The following DLGAP2 variants were observed in gnomAD, a reference collection of about 807,000 sequenced individuals.
DLGAP2 encodes the protein disks large-associated protein 2.
A neutral mutation model predicts 100.3 loss-of-function variants in DLGAP2; 26 were observed. The ratio of observed to expected loss-of-function variants is 0.26; its 90% confidence interval spans 0.19 to 0.36. The LOEUF is 0.36. Among genes scored for constraint, DLGAP2 ranks in the 10% least tolerant of loss-of-function variants. The probability of loss-of-function intolerance (pLI) is 1.00; values close to 1 mark genes in which losing one functional copy is unlikely to be tolerated. For synonymous variants in DLGAP2, 886 were observed against 630.1 expected, an observed-to-expected ratio of 1.41 and a Z score of -6.08; for missense variants, 1,858 against 1,453.2, an observed-to-expected ratio of 1.28 and a Z score of -4.53.
chr8:1,684,801 AAAG>A (rs1799070170), intron 12 of DLGAP2, among the ~76,000 whole-genome samples: 1 of 152,154 alleles, frequency 6.6e-6, no homozygotes, highest in South Asian at 2.1e-4. Context: ...TTCTAAAACA[AAAG>A]AAATCCTTCC....
At chr8:754,108 G>A (rs1406302833) in intron 1 of DLGAP2, 1 of 152,268 alleles carries the variant, frequency 6.6e-6, no homozygotes, top group East Asian at 1.9e-4. Context: ...GAGTGGTACA[G>A]CGTGGGAGGC....
At chr8:1,480,843 G>A (rs1799071624) in intron 3 of DLGAP2, among the ~76,000 whole-genome samples, 1 of 150,156 alleles carries the variant, frequency 6.7e-6, no homozygotes, top group South Asian at 2.1e-4. Context: ...TCCAGCCTGG[G>A]AAACAAGAAC....
intron 1 of DLGAP2, among the ~76,000 whole-genome samples, chr8:881,670 C>G (rs1435589698): frequency 2.0e-5 from 1 of 51,002 alleles, no homozygotes; most frequent in African/African-American, 6.1e-5. Flanking sequence ...TGGCTGAACA[C>G]ACACACACAC....
At chr8:1,049,841 CAT>C (rs1454631497) in intron 2 of DLGAP2, among the ~76,000 whole-genome samples, 9 of 151,658 alleles carry the variant, frequency 5.9e-5, no homozygotes, top group African/African-American at 1.5e-4. Flanking sequence ...TAGGCAGTCA[CAT>C]GTGTGGATAT....
At position 830,838 on chromosome 8, in the gene DLGAP2, C is replaced by A. The variant is rs115451832; in HGVS notation, c.19-77074C>A. On this transcript the variant is annotated intron_variant, in intron 1 of 14. Coordinates refer to ENST00000637795, the MANE Select transcript of DLGAP2 (RefSeq NM_001346810.2). ...AGAAGTAAAATTTCTGACTTTGGTG[C>A]CTTACTTTAAAAGCCTTTCTTTGCC... Among the ~76,000 whole-genome samples the A allele has an allele frequency of 7.8e-3, 1,180 of 150,364 alleles. 17 individuals are homozygous for A. Among genetic ancestry groups the A allele is most frequent in the African/African-American group, 0.027 (1,107 of 41,058 alleles).
intron 1 of DLGAP2, among the ~76,000 whole-genome samples, chr8:783,332 A>G (rs988087933): frequency 6.6e-5 from 10 of 152,330 alleles, no homozygotes; most frequent in Admixed American, 3.3e-4. Flanking sequence ...ATTAAAATGC[A>G]TGGTAACATT....
chr8:1,652,088 G>C (rs1212925779), intron 8 of DLGAP2, among the ~76,000 whole-genome samples: 1 of 152,214 alleles, frequency 6.6e-6, no homozygotes, highest in Non-Finnish European at 1.5e-5. Context: ...TAACATGCAG[G>C]TGTAGAATTA....
chr8:1,372,473 T>C (rs1253795784), intron 3 of DLGAP2, among the ~76,000 whole-genome samples: 1 of 152,168 alleles, frequency 6.6e-6, no homozygotes, highest in Non-Finnish European at 1.5e-5. Flanking sequence ...CAGCAGGGCT[T>C]CTCACCCTCA....
intron 2 of DLGAP2, among the ~76,000 whole-genome samples, chr8:1,198,702 T>A (rs1240431367): frequency 6.6e-6 from 1 of 152,122 alleles, no homozygotes; most frequent in Non-Finnish European, 1.5e-5. Flanking sequence ...AGGCCCCTCA[T>A]GTCCTGAAGA....
chr8:1,153,209 C>T (rs940492813), intron 2 of DLGAP2, among the ~76,000 whole-genome samples: 1 of 152,130 alleles, frequency 6.6e-6, no homozygotes. Flanking sequence ...GTGGTTGGTT[C>T]CTCATGGTCT....
chr8:1,536,143 G>A (rs989129668), intron 4 of DLGAP2, among the ~76,000 whole-genome samples: 3 of 152,176 alleles, frequency 2.0e-5, no homozygotes, highest in African/African-American at 7.2e-5. Flanking sequence ...GAGTATTCAG[G>A]AGAACTGTTG....
chr8:1,228,189 G>A (rs1283073807), intron 2 of DLGAP2, among the ~76,000 whole-genome samples: 1 of 151,730 alleles, frequency 6.6e-6, no homozygotes, highest in Non-Finnish European at 1.5e-5. Flanking sequence ...TAACAAACCT[G>A]CACGTTGTGC....
intron 3 of DLGAP2, among the ~76,000 whole-genome samples, chr8:1,326,601 G>C (rs1801027996): frequency 6.6e-6 from 1 of 151,570 alleles, no homozygotes; most frequent in Non-Finnish European, 1.5e-5. Flanking sequence ...CACGGCGCGT[G>C]CTCGGTCTCA....
chr8:1,471,461 C>T (rs1798788868), intron 3 of DLGAP2, among the ~76,000 whole-genome samples: 1 of 151,964 alleles, frequency 6.6e-6, no homozygotes, highest in Admixed American at 6.6e-5. Context: ...CAGGACATCC[C>T]CAGCCTCCTC....
rs1002909862 is a variant in DLGAP2, at chr8:1,641,216, A to C, written c.1810+8170A>C. On this transcript the variant is annotated intron_variant, in intron 8 of 14. Transcript: ENST00000637795. Reference sequence around the variant, plus strand: ...ACGAATCACGTGCCTCCCGGTTTGCAGAAGGCGAGCGTGATGCAGATAAAT... The same window carrying C: ...ACGAATCACGTGCCTCCCGGTTTGCCGAAGGCGAGCGTGATGCAGATAAAT... Among the ~76,000 whole-genome samples, 3 of 152,224 alleles carry C rather than the reference A, an allele frequency of 2.0e-5. 1 individual carries two copies. The highest frequency in any genetic ancestry group is 7.2e-5 in the African/African-American group (3 of 41,444).
intron 2 of DLGAP2, among the ~76,000 whole-genome samples, chr8:961,552 G>T (rs1222945575): frequency 2.0e-5 from 3 of 152,112 alleles, no homozygotes; most frequent in Admixed American, 2.0e-4. Flanking sequence ...CTATATAGGG[G>T]GAGCTGTCCT....
At chr8:1,459,217 TACA>T (rs1798404108) in intron 3 of DLGAP2, among the ~76,000 whole-genome samples, 1 of 137,570 alleles carries the variant, frequency 7.3e-6, no homozygotes, top group East Asian at 2.3e-4. Context: ...GGGGTCACCC[TACA>T]AGACCAGCGT....
At chr8:1,390,513 C>A (rs375308734) in intron 3 of DLGAP2, among the ~76,000 whole-genome samples, 2 of 152,302 alleles carry the variant, frequency 1.3e-5, no homozygotes, top group East Asian at 3.9e-4. Context: ...CTGTGTACTG[C>A]ACTGCAATTA....
At chr8:1,239,818 C>T (rs199995849) in intron 2 of DLGAP2, among the ~76,000 whole-genome samples, 5 of 27,510 alleles carry the variant, frequency 1.8e-4, no homozygotes, top group East Asian at 1.6e-3. Flanking sequence ...CACAGGGTGC[C>T]GTGTCTAGTT....
Sources: gnomAD v4.1 joint callset for allele counts (sites outside exome capture counted in the v4.1 genomes callset) on GRCh38, gnomAD v4.1.1 for gene constraint, MANE v1.5 for transcripts, NCBI Gene and HGNC (gene_info 2026-07-23, HGNC 2026-07-21) for gene names.